The following PKP2 variants were observed in gnomAD, a reference collection of about 807,000 sequenced individuals.
PKP2 encodes the protein plakophilin 2, also known as plakophilin-2.
A neutral mutation model predicts 83.4 loss-of-function variants in PKP2; 73 were observed. The observed-to-expected ratio is 0.88, with a 90% CI of 0.72 to 1.06. The LOEUF (loss-of-function observed/expected upper bound fraction) is 1.06, where lower values mean the gene tolerates loss of function less well. PKP2 is among the 50% of genes least tolerant of loss of function. The pLI is 0.00. For synonymous variants in PKP2, 409 were observed against 430.4 expected (o/e 0.95, Z 0.62); for missense variants, 966 against 1,065.4 (o/e 0.91, Z 1.30).
At chr12:32,861,923 A>T (rs1162176184) in intron 4 of PKP2, among the ~76,000 whole-genome samples, 1 of 152,140 alleles carries the variant, frequency 6.6e-6, no homozygotes, top group Admixed American at 6.5e-5. Context: ...ACAGAGAGAG[A>T]GTCTCACTCT....
intron 9 of PKP2, among the ~76,000 whole-genome samples, chr12:32,812,837 A>G (rs953063140): frequency 1.3e-5 from 2 of 152,144 alleles, no homozygotes; most frequent in Admixed American, 1.3e-4. Flanking sequence ...ACTCATCACT[A>G]TTTCCATACA....
chr12:32,887,651 C>T (rs1467337870), intron 1 of PKP2, among the ~76,000 whole-genome samples: 5 of 152,098 alleles, frequency 3.3e-5, no homozygotes, highest in Non-Finnish European at 7.3e-5. Context: ...GGGGTTTTGC[C>T]ATGTTGGCCA....
At chr12:32,884,659 G>A (rs1472683527) in intron 1 of PKP2, among the ~76,000 whole-genome samples, 1 of 152,154 alleles carries the variant, frequency 6.6e-6, no homozygotes, top group Non-Finnish European at 1.5e-5. Context: ...ATGCAAAAAT[G>A]AGATAAGGTT....
At chr12:32,812,010 G>A (rs1253574877) in intron 9 of PKP2, among the ~76,000 whole-genome samples, 2 of 152,006 alleles carry the variant, frequency 1.3e-5, no homozygotes, top group East Asian at 3.9e-4. Flanking sequence ...TGCCTGGCCT[G>A]CACATATGCC....
intron 1 of PKP2, among the ~76,000 whole-genome samples, chr12:32,896,085 T>C (rs1957120738): frequency 6.6e-6 from 1 of 152,142 alleles, no homozygotes. Flanking sequence ...TCATTAATTA[T>C]TTAACAAATC....
chr12:32,859,111 G>T (rs1329208989), intron 4 of PKP2, among the ~76,000 whole-genome samples: 1 of 152,080 alleles, frequency 6.6e-6, no homozygotes, highest in African/African-American at 2.4e-5. Flanking sequence ...TATGTCAATT[G>T]TATTTGTTAT....
At chr12:32,807,586 A>T (rs1422670969) in intron 9 of PKP2, among the ~76,000 whole-genome samples, 3 of 152,072 alleles carry the variant, frequency 2.0e-5, no homozygotes, top group African/African-American at 7.2e-5. Context: ...CTAACTGGTT[A>T]TTTTGCAGAC....
At chr12:32,803,017 C>T (rs763592882) in intron 9 of PKP2, among the ~76,000 whole-genome samples, 8 of 151,944 alleles carry the variant, frequency 5.3e-5, no homozygotes, top group Non-Finnish European at 1.2e-4. Flanking sequence ...TTTCTTTAAA[C>T]TCTTATTAAG....
chr12:32,861,654 T>G (rs1373768661), intron 4 of PKP2, among the ~76,000 whole-genome samples: 1 of 152,182 alleles, frequency 6.6e-6, no homozygotes, highest in East Asian at 1.9e-4. Flanking sequence ...CTAATTTTGA[T>G]GCAAAGTAGA....
chr12:32,856,995 T>C (rs761087285), intron 4 of PKP2, among the ~76,000 whole-genome samples: 2 of 152,144 alleles, frequency 1.3e-5, no homozygotes, highest in African/African-American at 4.8e-5. Context: ...AGGGCACCTA[T>C]GTAATTAGGG....
chr12:32,870,511 A>C (rs1278551916), intron 3 of PKP2, among the ~76,000 whole-genome samples: 1 of 146,472 alleles, frequency 6.8e-6, no homozygotes, highest in East Asian at 1.9e-4. Flanking sequence ...AGTCAATTAT[A>C]ATTAGTAAAA....
rs1185132987 is a variant in PKP2 at position 32,850,244 on chromosome 12, C to T, written c.1378+522G>A. On this transcript the variant is annotated intron_variant, in intron 5 of 12. Coordinates refer to ENST00000340811, the MANE Select transcript of PKP2 (RefSeq NM_001005242.3). ...AAGCAAAAGCCGCAGAACATTTTCC[C>T]CTTTAGAAAAAAGGAATTCAGGCTG... Among the ~76,000 whole-genome samples the T allele has an allele frequency of 3.9e-5, 6 of 152,076 alleles. No individual in the cohort carries two copies. The East Asian group carries it at 9.6e-4, about 24-fold the overall frequency.
At chr12:32,862,117 G>A (rs982550985) in intron 4 of PKP2, among the ~76,000 whole-genome samples, 1 of 152,108 alleles carries the variant, frequency 6.6e-6, no homozygotes, top group Admixed American at 6.5e-5. Context: ...GGCCGGTCTT[G>A]AACTCCTGGC....
intron 4 of PKP2, among the ~76,000 whole-genome samples, chr12:32,862,431 G>C (rs1165925015): frequency 6.6e-6 from 1 of 151,332 alleles, no homozygotes; most frequent in Non-Finnish European, 1.5e-5. Flanking sequence ...TGGATCACCT[G>C]AAGTCGGGAG....
At chr12:32,819,510 G>T (rs1262697778) in intron 9 of PKP2, among the ~76,000 whole-genome samples, 1 of 151,854 alleles carries the variant, frequency 6.6e-6, no homozygotes, top group Non-Finnish European at 1.5e-5. Context: ...GGCTCTTTAT[G>T]GACCTGGTAC....
At chr12:32,873,267 T>C (rs1009103555) in intron 3 of PKP2, among the ~76,000 whole-genome samples, 2 of 150,850 alleles carry the variant, frequency 1.3e-5, no homozygotes, top group African/African-American at 4.9e-5. Flanking sequence ...GCCCAGCTAA[T>C]TCTTGTACTT....
At chr12:32,853,681 T>G (rs1956720886) in intron 4 of PKP2, among the ~76,000 whole-genome samples, 1 of 152,072 alleles carries the variant, frequency 6.6e-6, no homozygotes, top group South Asian at 2.1e-4. Flanking sequence ...CAGCTAATTT[T>G]TGTATTCTTA....
chr12:32,807,205 T>C (rs1391536172), intron 9 of PKP2, among the ~76,000 whole-genome samples: 1 of 152,220 alleles, frequency 6.6e-6, no homozygotes, highest in Non-Finnish European at 1.5e-5. Flanking sequence ...GAGAGTTCTG[T>C]AGATATCTAT....
chr12:32,834,675 T>G (rs958753455), intron 6 of PKP2, among the ~76,000 whole-genome samples: 10 of 151,966 alleles, frequency 6.6e-5, no homozygotes, highest in Non-Finnish European at 1.5e-4. Flanking sequence ...TGCTTCCAGT[T>G]CTTGTCCTTT....
Sources: allele counts gnomAD v4.1 joint callset (sites outside exome capture counted in the v4.1 genomes callset), GRCh38; gene constraint gnomAD v4.1.1; transcripts MANE v1.5; gene names NCBI Gene and HGNC (gene_info 2026-07-23, HGNC 2026-07-21).